TAMM41: variants seen among roughly 807,000 people sequenced by gnomAD.
The protein encoded by TAMM41 is phosphatidate cytidylyltransferase, mitochondrial.
In TAMM41, 36 loss-of-function variants were observed where a neutral mutation model predicts 44.1. The observed-to-expected ratio is 0.82, with a 90% confidence interval of 0.63 to 1.08. TAMM41 has a LOEUF of 1.08. Among genes scored for constraint, TAMM41 ranks in the 50% least tolerant of loss-of-function variants. TAMM41 has a pLI of 0.00. For synonymous variants in TAMM41, 164 were observed against 153.1 expected (o/e 1.07, Z -0.53); for missense variants, 417 against 404.3 (o/e 1.03, Z -0.27).
chr3:11,807,863 T>C lies in TAMM41; in HGVS notation c.907A>G (p.Arg303Gly), dbSNP rs1171826707. Residue 303 changes from arginine to glycine, a missense_variant, in exon 7 of 8, where the codon AGA becomes GGA. Physicochemically the swap from Arg to Gly is moderately radical, Grantham distance 125. Coordinates refer to ENST00000455809, the MANE Select transcript of TAMM41 (RefSeq NM_001284401.2). ...LSAIVRPSSI[R>G]QSTKGIFTAG... is the part of the protein sequence containing the mutation. ...GTAAAAATGCCTTTCGTGCTCTGTC[T>C]TATACTAGACGGTCTCACGATTGCT... The C allele has an allele frequency of 1.3e-6, 2 of 1,535,932 alleles. No individual in the cohort carries two copies. The highest frequency in any genetic ancestry group is 1.7e-6 in the Non-Finnish European group (2 of 1,146,884).
the TAMM41 span, among the ~76,000 whole-genome samples, chr3:11,764,358 T>A: frequency 6.6e-6 from 1 of 151,912 alleles, no homozygotes. Flanking sequence ...CTGCTTTGCG[T>A]TCCCAGTGGC....
At chr3:11,736,066 C>A in the TAMM41 span, among the ~76,000 whole-genome samples, 1 of 152,170 alleles carries the variant, frequency 6.6e-6, no homozygotes, top group Non-Finnish European at 1.5e-5. Flanking sequence ...CCTATTTCCT[C>A]GTGCAGAAAT....
At chr3:11,810,539 G>C (rs1293834700) in intron 5 of TAMM41, among the ~76,000 whole-genome samples, 1 of 152,138 alleles carries the variant, frequency 6.6e-6, no homozygotes, top group Non-Finnish European at 1.5e-5. Context: ...GCCAAGTGCA[G>C]AACCAGTAAC....
intron 5 of TAMM41, among the ~76,000 whole-genome samples, chr3:11,811,810 G>A (rs975314605): frequency 2.6e-5 from 4 of 152,202 alleles, no homozygotes; most frequent in Non-Finnish European, 4.4e-5. Flanking sequence ...CGGCTAAAGG[G>A]TATGGAGTGA....
At chr3:11,753,294 G>T in the TAMM41 span, among the ~76,000 whole-genome samples, 2 of 152,020 alleles carry the variant, frequency 1.3e-5, no homozygotes, top group African/African-American at 4.8e-5. Flanking sequence ...AAATAGTGGG[G>T]CATAGTGGTG....
At chr3:11,770,026 C>T in the TAMM41 span, among the ~76,000 whole-genome samples, 5 of 152,208 alleles carry the variant, frequency 3.3e-5, no homozygotes, top group African/African-American at 9.6e-5. Flanking sequence ...TTGGAAAAGC[C>T]TCATTTGGTC....
intron 5 of TAMM41, among the ~76,000 whole-genome samples, chr3:11,812,135 C>G (rs1383077082): frequency 6.6e-6 from 1 of 152,046 alleles, no homozygotes; most frequent in Non-Finnish European, 1.5e-5. Flanking sequence ...ACCATGTTGG[C>G]CAGGCTAGTT....
chr3:11,759,005 C>T, the TAMM41 span, among the ~76,000 whole-genome samples: 1 of 152,154 alleles, frequency 6.6e-6, no homozygotes, highest in Admixed American at 6.5e-5. Context: ...ATTCTTTAAT[C>T]TCCCCCAAAT....
chr3:11,821,538 C>T (rs2078519533), intron 4 of TAMM41, among the ~76,000 whole-genome samples: 1 of 152,204 alleles, frequency 6.6e-6, no homozygotes, highest in African/African-American at 2.4e-5. Flanking sequence ...TGAAGCTCGC[C>T]CACCACTCAC....
intron 7 of TAMM41, among the ~76,000 whole-genome samples, chr3:11,791,082 C>T (rs888549882): frequency 2.0e-5 from 3 of 152,190 alleles, no homozygotes; most frequent in African/African-American, 7.2e-5. Context: ...CTTCCCTGGA[C>T]CCACAGGGTG....
At chr3:11,736,626 G>A in the TAMM41 span, among the ~76,000 whole-genome samples, 15 of 152,112 alleles carry the variant, frequency 9.9e-5, no homozygotes, top group Admixed American at 3.3e-4. Flanking sequence ...TGATCACAGC[G>A]GGGCCTCAGC....
At chr3:11,779,962 T>C in the TAMM41 span, among the ~76,000 whole-genome samples, 1 of 152,190 alleles carries the variant, frequency 6.6e-6, no homozygotes, top group Non-Finnish European at 1.5e-5. Context: ...CAAGTTGTAC[T>C]GAGTCCACTT....
the TAMM41 span, among the ~76,000 whole-genome samples, chr3:11,769,937 G>A: frequency 6.6e-6 from 1 of 152,202 alleles, no homozygotes; most frequent in South Asian, 2.1e-4. Flanking sequence ...GGGAGGTGTG[G>A]AGCTTCTATC....
the TAMM41 span, among the ~76,000 whole-genome samples, chr3:11,734,127 C>T: frequency 1.1e-4 from 17 of 152,188 alleles, 1 homozygote; most frequent in Admixed American, 2.6e-4. Flanking sequence ...TTCCCATCAC[C>T]GGCTCTGTGC....
the TAMM41 span, among the ~76,000 whole-genome samples, chr3:11,757,930 G>A: frequency 1.3e-5 from 2 of 152,192 alleles, no homozygotes; most frequent in Non-Finnish European, 2.9e-5. Context: ...AGCAGGGTAG[G>A]GGGACACTGA....
chr3:11,754,404 C>T, the TAMM41 span, among the ~76,000 whole-genome samples: 10 of 152,076 alleles, frequency 6.6e-5, no homozygotes, highest in African/African-American at 9.7e-5. Context: ...GGCAGGGTCT[C>T]GCTCTATAAC....
At chr3:11,821,080 A>C (rs1238711654) in intron 4 of TAMM41, among the ~76,000 whole-genome samples, 12 of 152,182 alleles carry the variant, frequency 7.9e-5, no homozygotes, top group African/African-American at 2.9e-4. Flanking sequence ...TAACCTTACA[A>C]AGTTGCTTTC....
At chr3:11,757,076 C>T in the TAMM41 span, among the ~76,000 whole-genome samples, 22 of 152,256 alleles carry the variant, frequency 1.4e-4, no homozygotes, top group African/African-American at 4.6e-4. Flanking sequence ...CCCATGCCAT[C>T]GTTCCTATTA....
chr3:11,757,558 G>C, the TAMM41 span, among the ~76,000 whole-genome samples: 1 of 152,174 alleles, frequency 6.6e-6, no homozygotes. Context: ...AGCAAACAGA[G>C]TTGGCACTCT....
Sources: allele counts gnomAD v4.1 joint callset (sites outside exome capture counted in the v4.1 genomes callset), GRCh38; gene constraint gnomAD v4.1.1; transcripts MANE v1.5; gene names NCBI Gene and HGNC (gene_info 2026-07-23, HGNC 2026-07-21).